Variants in DCAF8L2 observed in about 807,000 individuals in gnomAD.
DCAF8L2 encodes the protein DDB1- and CUL4-associated factor 8-like protein 2.
For synonymous variants in DCAF8L2, 200 were observed against 190.9 expected (o/e 1.05, Z -0.39); for missense variants, 430 against 490.7 (o/e 0.88, Z 1.17).
At chrX:27,697,788 T>C (rs2147263335) in intron 3 of DCAF8L2, among the ~76,000 whole-genome samples, 1 of 110,493 alleles carries the variant, frequency 9.1e-6, no homozygotes, top group East Asian at 2.8e-4. Flanking sequence ...TCAGGCTATC[T>C]ACTAGGCAAT....
At chrX:27,744,729 T>C (rs914059829) in intron 4 of DCAF8L2, among the ~76,000 whole-genome samples, 1 of 111,525 alleles carries the variant, frequency 9.0e-6, no homozygotes, top group African/African-American at 3.3e-5. Context: ...CTCCAGGTAA[T>C]GAGTAATTTC....
chrX:27,622,199 C>T (rs947302878), intron 1 of DCAF8L2, among the ~76,000 whole-genome samples: 2 of 108,984 alleles, frequency 1.8e-5, no homozygotes, highest in East Asian at 2.9e-4. Flanking sequence ...CCGAGACGGG[C>T]GGATCACGAG....
At chrX:27,498,926 CTA>C in the DCAF8L2 span, among the ~76,000 whole-genome samples, 17 of 111,978 alleles carry the variant, frequency 1.5e-4, no homozygotes, top group African/African-American at 5.2e-4. Context: ...TGTGTGTACA[CTA>C]TATATGTGTG....
At chrX:27,649,017 CCCCA>C (rs1569171463) in intron 2 of DCAF8L2, among the ~76,000 whole-genome samples, 1 of 111,378 alleles carries the variant, frequency 9.0e-6, no homozygotes, top group Non-Finnish European at 1.9e-5. Flanking sequence ...GATGTCTGGG[CCCCA>C]GCCCAGACAC....
At chrX:27,582,391 A>G in the DCAF8L2 span, among the ~76,000 whole-genome samples, 8 of 110,840 alleles carry the variant, frequency 7.2e-5, no homozygotes, top group African/African-American at 9.9e-5. Context: ...ACTATCCCAT[A>G]TTTTATTTAG....
At chrX:27,579,615 TACACACAC>T in the DCAF8L2 span, among the ~76,000 whole-genome samples, 30,513 of 87,643 alleles carry the variant, frequency 0.35, 4,622 homozygotes, top group South Asian at 0.59. Flanking sequence ...TTCAGAGAAA[TACACACAC>T]ACACACACAC....
the DCAF8L2 span, among the ~76,000 whole-genome samples, chrX:27,546,111 G>A: frequency 8.9e-6 from 1 of 112,032 alleles, no homozygotes; most frequent in Non-Finnish European, 1.9e-5. Context: ...ATATAATGTG[G>A]ATGCAGGCAT....
the DCAF8L2 span, among the ~76,000 whole-genome samples, chrX:27,480,259 G>T: frequency 4.5e-5 from 5 of 112,332 alleles, no homozygotes; most frequent in African/African-American, 1.6e-4. Flanking sequence ...GTAGGAAAAT[G>T]GATATTAATC....
chrX:27,533,160 GAGAGAGAA>G, the DCAF8L2 span, among the ~76,000 whole-genome samples: 46 of 41,529 alleles, frequency 1.1e-3, no homozygotes, highest in African/African-American at 1.9e-3. Flanking sequence ...GAGAGAGAGA[GAGAGAGAA>G]AGAAAGAAAG....
chrX:27,481,213 A>G, the DCAF8L2 span, among the ~76,000 whole-genome samples: 1 of 109,978 alleles, frequency 9.1e-6, no homozygotes, highest in African/African-American at 3.3e-5. Context: ...CCCCGTCTCT[A>G]CTAAAAATAC....
the DCAF8L2 span, among the ~76,000 whole-genome samples, chrX:27,471,977 T>C: frequency 1.4e-4 from 16 of 111,995 alleles, no homozygotes; most frequent in African/African-American, 4.9e-4. Context: ...ATTAACCTGT[T>C]TTTTTTCACG....
At chrX:27,591,967 C>T (rs747577162) in intron 1 of DCAF8L2, among the ~76,000 whole-genome samples, 18 of 112,679 alleles carry the variant, frequency 1.6e-4, no homozygotes, top group South Asian at 7.3e-4. Context: ...GGTTGTCGTC[C>T]ATCCTGCCAT....
the DCAF8L2 span, among the ~76,000 whole-genome samples, chrX:27,533,218 G>GAAAGA: frequency 2.0e-5 from 1 of 49,484 alleles, no homozygotes; most frequent in African/African-American, 5.1e-5. Context: ...AAGAAAGAAA[G>GAAAGA]AAAGAAAGAA....
intron 2 of DCAF8L2, among the ~76,000 whole-genome samples, chrX:27,636,942 T>C (rs1400135220): frequency 9.0e-6 from 1 of 111,699 alleles, no homozygotes; most frequent in Non-Finnish European, 1.9e-5. Context: ...TGAGTATTGA[T>C]TTCCATGCTC....
At chrX:27,691,954 C>T (rs1288324062) in intron 3 of DCAF8L2, among the ~76,000 whole-genome samples, 1 of 111,803 alleles carries the variant, frequency 8.9e-6, no homozygotes, top group East Asian at 2.8e-4. Flanking sequence ...TTGAAAAATG[C>T]TAGTTCCATT....
At chrX:27,601,428 G>A (rs766445904) in intron 1 of DCAF8L2, among the ~76,000 whole-genome samples, 6 of 112,548 alleles carry the variant, frequency 5.3e-5, no homozygotes, top group Non-Finnish European at 9.4e-5. Context: ...GGCTGGGCGT[G>A]GTGGCTCATG....
the DCAF8L2 span, among the ~76,000 whole-genome samples, chrX:27,514,151 T>G: frequency 9.0e-6 from 1 of 110,710 alleles, no homozygotes; most frequent in Admixed American, 9.5e-5. Context: ...TGTATATGTA[T>G]GTGTGTGCAT....
At chrX:27,568,946 AACACACACACACACACACACACACACAC>A in the DCAF8L2 span, among the ~76,000 whole-genome samples, 1 of 86,566 alleles carries the variant, frequency 1.2e-5, no homozygotes, top group Admixed American at 1.3e-4. Context: ...TTGGAACTCA[AACACACACACACACACACACACACACAC>A]ACACACACAC....
chrX:27,692,412 G>C (rs1486855967), intron 3 of DCAF8L2, among the ~76,000 whole-genome samples: 1 of 111,872 alleles, frequency 8.9e-6, no homozygotes, highest in Admixed American at 9.5e-5. Context: ...GTCCCAATGG[G>C]TTTTGTAAAA....
Sources: gnomAD v4.1 joint callset for allele counts (sites outside exome capture counted in the v4.1 genomes callset) on GRCh38, gnomAD v4.1.1 for gene constraint, MANE v1.5 for transcripts, NCBI Gene and HGNC (gene_info 2026-07-23, HGNC 2026-07-21) for gene names.